MEI1: variants seen among roughly 807,000 people sequenced by gnomAD.
MEI1 encodes the protein meiotic double-stranded break formation protein 1.
MEI1 carries 103 observed loss-of-function variants against 146.2 expected under a neutral mutation model. The ratio of observed to expected loss-of-function variants is 0.70; its 90% CI spans 0.60 to 0.83. The LOEUF (loss-of-function observed/expected upper bound fraction) is 0.83. MEI1 is among the 40% of genes least tolerant of loss of function. The pLI is 0.00. For synonymous variants in MEI1, 652 were observed against 628.2 expected (o/e 1.04, Z -0.57); for missense variants, 1,529 against 1,533.0 (o/e 1.00, Z 0.04).
intron 11 of MEI1, among the ~76,000 whole-genome samples, chr22:41,734,059 C>T (rs759504912): frequency 2.0e-5 from 3 of 151,728 alleles, no homozygotes; most frequent in African/African-American, 4.9e-5. Flanking sequence ...ACCTGGGAGG[C>T]GGAGGTTGCA....
At chr22:41,793,782 C>T in intron 26 of MEI1, 47 bp from the exon 27 acceptor site, 2 of 1,508,778 alleles carry the variant, frequency 1.3e-6, no homozygotes, top group Non-Finnish European at 1.8e-6. Flanking sequence ...GCACCAAAAG[C>T]CATTGGTAGC....
intron 13 of MEI1, among the ~76,000 whole-genome samples, chr22:41,745,648 A>G (rs563140999): frequency 5.8e-4 from 88 of 152,290 alleles, no homozygotes; most frequent in African/African-American, 2.1e-3. Context: ...GGAAATACAC[A>G]CAATGGGGTA....
At chr22:41,778,205 C>T (rs2075567814) in intron 21 of MEI1, among the ~76,000 whole-genome samples, 2 of 152,176 alleles carry the variant, frequency 1.3e-5, no homozygotes, top group Non-Finnish European at 1.5e-5. Flanking sequence ...GGGAGCTCCT[C>T]GCAGTTTCTT....
rs2148112489 is a variant in MEI1, at chr22:41,777,190, C to T, written c.2710+923C>T. Among the ~76,000 whole-genome samples, 3 of 147,448 alleles carry T rather than the reference C, an allele frequency of 2.0e-5. 1 individual carries two copies. In the South Asian group the frequency reaches 6.4e-4, roughly 31 times the overall value. ...TTTTTTTTTGAGAGAGGGTCTCACT[C>T]TGTCGTTCAGGCTGGTGTGCAGTGG... On this transcript the variant is annotated intron_variant, in intron 21 of 30. Transcript: ENST00000401548.
In MEI1 at chr22:41,701,828, G is replaced by A. The variant is rs927331240; in HGVS notation, c.175-1503G>A. ...AAGATGGGTGAGATTTGGACCAGAGGAAGTGGGAGGCTGATTATCCCAGGA... is the reference window on the plus strand; with the variant it reads ...AAGATGGGTGAGATTTGGACCAGAGAAAGTGGGAGGCTGATTATCCCAGGA... On this transcript the variant is annotated intron_variant, in intron 1 of 30. Coordinates refer to ENST00000401548, the MANE Select transcript of MEI1 (RefSeq NM_152513.4). Among the ~76,000 whole-genome samples, 7 of 152,326 alleles carry A rather than the reference G, an allele frequency of 4.6e-5. No homozygotes were observed. In the East Asian group the frequency reaches 9.7e-4, roughly 21 times the overall value.
At chr22:41,771,018 G>A (rs1016384884) in intron 20 of MEI1, 57 bp downstream of exon 20, 23 of 1,574,182 alleles carry the variant, frequency 1.5e-5, no homozygotes, top group Admixed American at 1.0e-4. Flanking sequence ...CTCTCTCTGA[G>A]AGCCGGTTTA....
intron 7 of MEI1, among the ~76,000 whole-genome samples, chr22:41,726,640 A>G (rs142512251): frequency 7.2e-5 from 11 of 152,196 alleles, no homozygotes; most frequent in African/African-American, 2.7e-4. Context: ...TTTACCATCA[A>G]TGGTGCATCA....
At chr22:41,762,550 A>ATT (rs1167639969) in intron 18 of MEI1, among the ~76,000 whole-genome samples, 1 of 135,368 alleles carries the variant, frequency 7.4e-6, no homozygotes, top group Non-Finnish European at 1.6e-5. Context: ...AATTTAACTG[A>ATT]TTTTTTTTTT....
At chr22:41,728,557 T>G (rs1435411648) in intron 7 of MEI1, among the ~76,000 whole-genome samples, 1 of 152,116 alleles carries the variant, frequency 6.6e-6, no homozygotes, top group Non-Finnish European at 1.5e-5. Flanking sequence ...AGACCTTGTC[T>G]CTATAAAAAA....
At chr22:41,792,620 G>A (rs1226424589) in intron 26 of MEI1, among the ~76,000 whole-genome samples, 2 of 152,044 alleles carry the variant, frequency 1.3e-5, no homozygotes, top group African/African-American at 2.4e-5. Context: ...GAAGGGCTGT[G>A]GGCACTGGAG....
chr22:41,752,035 A>G (rs1292893410), intron 15 of MEI1, among the ~76,000 whole-genome samples: 1 of 151,630 alleles, frequency 6.6e-6, no homozygotes, highest in African/African-American at 2.4e-5. Context: ...ATGCCACTGC[A>G]CTCCAGCCTG....
Position 41,780,471 on chromosome 22 carries a change from T to C in MEI1, c.2816-813T>C, listed in dbSNP as rs1021988973. The stretch of plus-strand genomic sequence containing the variant: ...TGTTCTATAGATATCTACAGTGTAA[T>C]GTTGCACTGATGAGGCCTGGGAGAA... On this transcript the variant is annotated intron_variant, in intron 22 of 30. Coordinates refer to ENST00000401548, the MANE Select transcript of MEI1 (RefSeq NM_152513.4). Among the ~76,000 whole-genome samples the C allele has an allele frequency of 6.2e-4, 95 of 152,090 alleles. 1 individual carries two copies. Among genetic ancestry groups the C allele is most frequent in the South Asian group, 6.2e-4 (3 of 4,822 alleles).
At chr22:41,751,056 A>G (rs1229571089) in intron 15 of MEI1, among the ~76,000 whole-genome samples, 2 of 152,098 alleles carry the variant, frequency 1.3e-5, no homozygotes, top group Non-Finnish European at 2.9e-5. Flanking sequence ...CAGGTAGCAC[A>G]GGATCAGAGG....
chr22:41,752,845 G>T (rs775554289), intron 16 of MEI1, among the ~76,000 whole-genome samples, 194 bp downstream of exon 16: 3 of 152,154 alleles, frequency 2.0e-5, no homozygotes, highest in African/African-American at 7.2e-5. Context: ...ACGTGGTAAG[G>T]ATCTTATTCC....
At position 41,711,004 on chromosome 22, in the gene MEI1, G is replaced by T. The variant is rs573940103; in HGVS notation, c.350-2998G>T. Reference sequence around the variant, plus strand: ...AAGCACTTGATGGTGAGGGAAACAGGTGGATTAGCATTCACAAAATGTGCC... The same window carrying T: ...AAGCACTTGATGGTGAGGGAAACAGTTGGATTAGCATTCACAAAATGTGCC... On this transcript the variant is annotated intron_variant, in intron 3 of 30. Transcript: ENST00000401548. Among the ~76,000 whole-genome samples the T allele has an allele frequency of 2.0e-5, 3 of 152,222 alleles. No individual in the cohort carries two copies. In the South Asian group the frequency reaches 6.2e-4, roughly 32 times the overall value.
intron 13 of MEI1, among the ~76,000 whole-genome samples, chr22:41,745,289 A>C (rs1002800922): frequency 6.6e-6 from 1 of 152,100 alleles, no homozygotes; most frequent in African/African-American, 2.4e-5. Flanking sequence ...AGTTTTTGCT[A>C]CTGTGCCATG....
At chr22:41,771,551 T>A (rs979399269) in intron 20 of MEI1, among the ~76,000 whole-genome samples, 1 of 152,016 alleles carries the variant, frequency 6.6e-6, no homozygotes, top group African/African-American at 2.4e-5. Context: ...TTCTCCTGCC[T>A]CAGCCTCCCG....
chr22:41,740,487 A>G (rs2072768843), intron 11 of MEI1, among the ~76,000 whole-genome samples: 1 of 151,908 alleles, frequency 6.6e-6, no homozygotes, highest in Admixed American at 6.6e-5. Flanking sequence ...CACACCTGTA[A>G]TCCCAGCACT....
intron 24 of MEI1, among the ~76,000 whole-genome samples, chr22:41,782,177 T>C (rs1186108895): frequency 2.0e-5 from 3 of 152,176 alleles, no homozygotes; most frequent in African/African-American, 7.2e-5. Flanking sequence ...TCAGCAAAGA[T>C]AGTGGGAGAA....
Sources: gnomAD v4.1 joint callset for allele counts (sites outside exome capture counted in the v4.1 genomes callset) on GRCh38, gnomAD v4.1.1 for gene constraint, MANE v1.5 for transcripts, NCBI Gene and HGNC (gene_info 2026-07-23, HGNC 2026-07-21) for gene names.